RHCG: variants seen among roughly 807,000 people sequenced by gnomAD.
RHCG encodes Rh family C glycoprotein, also known as ammonium transporter Rh type C.
RHCG carries 39 observed loss-of-function variants against 55.3 expected under a neutral mutation model. The observed-to-expected ratio is 0.70, with a 90% confidence interval of 0.55 to 0.92. The LOEUF is 0.92. Ranked by LOEUF, RHCG falls within the 40% of genes least tolerant of loss-of-function variation. RHCG has a pLI of 0.00. For synonymous variants in RHCG, 250 were observed against 246.8 expected (o/e 1.01, Z -0.12); for missense variants, 635 against 627.9 (o/e 1.01, Z -0.12).
At position 89,477,129 on chromosome 15, in the gene RHCG, C is replaced by A. The variant is rs1420223933; in HGVS notation, c.1190G>T (p.Gly397Val). Reference protein sequence around the residue: ...ARTQGKFQIYGLLVTLAMALM... With the variant: ...ARTQGKFQIYVLLVTLAMALM... Reference sequence around the variant, plus strand: ...GGCCATGGCCAGGGTCACCAAGAGACCATAAATCTGGAACTTTCCCTGTGT... The same window carrying A: ...GGCCATGGCCAGGGTCACCAAGAGAACATAAATCTGGAACTTTCCCTGTGT... Residue 397 changes from glycine (G) to valine (V), a missense_variant, in exon 8 of 11, where the codon GGT becomes GTT. By Grantham distance (109) the Gly-to-Val change is moderately radical. Coordinates refer to ENST00000268122, the MANE Select transcript of RHCG (RefSeq NM_016321.3). This position sits in a 1 kb window ranked among gnomAD's most constrained non-coding sequence, Gnocchi z 4.5. 6.2e-7 allele frequency: 1 copy of A among 1,613,970 alleles called. No homozygotes were observed. Among genetic ancestry groups the A allele is most frequent in the African/African-American group, 1.3e-5 (1 of 74,884 alleles).
Position 89,477,378 on chromosome 15 carries a change from G to A in RHCG, c.1112+139C>T. On this transcript the variant is annotated intron_variant, in intron 7 of 10. Transcript: ENST00000268122. This position sits in a 1 kb window ranked among gnomAD's most constrained non-coding sequence, Gnocchi z 4.5. ...AACTCTAAGGGACAGAGTTTGGGGA[G>A]AGAGACCCATGAAACAATTGGTCCA... The A allele has an allele frequency of 7.1e-7, 1 of 1,401,866 alleles. No individual in the cohort carries two copies. The highest frequency in any genetic ancestry group is 1.3e-5 in the South Asian group (1 of 74,996). The allele number at this position is 1,401,866 out of a possible 1,614,324, so 86.8% of individuals were successfully genotyped here.
intron 5 of RHCG, among the ~76,000 whole-genome samples, chr15:89,478,377 C>T (rs190533755): frequency 2.5e-4 from 38 of 152,204 alleles, no homozygotes; most frequent in African/African-American, 9.2e-4. Flanking sequence ...TAGGCACGCA[C>T]CAGCTGCTGC....
chr15:89,476,730 A>C (rs1285052167), intron 9 of RHCG, 25 bp downstream of exon 9: 1 of 1,604,884 alleles, frequency 6.2e-7, no homozygotes, highest in Non-Finnish European at 8.5e-7. Flanking sequence ...GCCCTCCTTC[A>C]GGGGGCCAAG....
In RHCG at chr15:89,479,446, G is replaced by T. The variant is rs1036969416; in HGVS notation, c.713C>A (p.Ala238Asp). 1.2e-6 allele frequency: 2 copies of T among 1,613,878 alleles called. No individual in the cohort carries two copies. Among genetic ancestry groups the T allele is most frequent in the Non-Finnish European group, 1.7e-6 (2 of 1,179,970 alleles). ...CTGGCTGTCCCCATGGTAGGATATG[G>T]CTGAGTTGAAGCTGGGCCAGTACAT... ...LWMYWPSFNS[A>D]ISYHGDSQHR... The change falls in exon 5 of 11, where the codon GCC becomes GAC. Residue 238 changes from alanine (A) to aspartate (D), a missense_variant. By Grantham distance (126) the Ala-to-Asp change is moderately radical. Coordinates refer to ENST00000268122, the MANE Select transcript of RHCG (RefSeq NM_016321.3).
At position 89,486,995 on chromosome 15, in the gene RHCG, C is replaced by T; in HGVS notation, c.185-10G>A. 6.4e-7 allele frequency: 1 copy of T among 1,556,696 alleles called. No homozygotes were observed. The highest frequency in any genetic ancestry group is 8.7e-7 in the Non-Finnish European group (1 of 1,145,720). ...TGCACGTCCTGGAAGCCTGCGGGGA[C>T]AGTGCAGCCCGGGACTCGGTGGTCT... On this transcript the variant is annotated splice_polypyrimidine_tract_variant and intron_variant, in intron 1 of 10. Transcript: ENST00000268122.
Position 89,472,832 on chromosome 15 carries a change from G to A in RHCG, c.1343C>T (p.Pro448Leu). ...MPEGNSTVYI[P>L]EDPTFKPSGP... ...TGAGGGCTTGAAGGTGGGGTCCTCA[G>A]GGATGTAGACAGTGCTGTTCCCTTC... Residue 448 changes from proline to leucine, a missense_variant, in exon 10 of 11, where the codon CCT becomes CTT. Pro to Leu is a moderately conservative substitution (Grantham distance 98, BLOSUM62 -3). Transcript: ENST00000268122. The A allele has an allele frequency of 6.5e-7, 1 of 1,544,494 alleles. No homozygotes were observed. The highest frequency in any genetic ancestry group is 8.7e-7 in the Non-Finnish European group (1 of 1,142,922).
At chr15:89,480,176 G>A in intron 4 of RHCG, 85 bp downstream of exon 4, 3 of 1,555,956 alleles carry the variant, frequency 1.9e-6, no homozygotes, top group Non-Finnish European at 1.8e-6. Context: ...CCATCATGGT[G>A]GCCTTCACCC....
chr15:89,474,587 C>T (rs921633299), intron 9 of RHCG, among the ~76,000 whole-genome samples: 32 of 152,314 alleles, frequency 2.1e-4, no homozygotes, highest in African/African-American at 7.7e-4. Flanking sequence ...TCACAGAAAG[C>T]CCAGATTGTG....
intron 1 of RHCG, among the ~76,000 whole-genome samples, chr15:89,488,434 T>C (rs1961413130): frequency 6.6e-6 from 1 of 152,224 alleles, no homozygotes; most frequent in Non-Finnish European, 1.5e-5. Context: ...GACTGCTTAT[T>C]AGTTGCAGGG....
intron 1 of RHCG, among the ~76,000 whole-genome samples, chr15:89,490,396 C>G (rs1961452278): frequency 2.0e-5 from 3 of 152,230 alleles, no homozygotes; most frequent in South Asian, 4.1e-4. Context: ...TCTGAACTTC[C>G]CTCTGAATTT....
intron 2 of RHCG, among the ~76,000 whole-genome samples, chr15:89,486,098 T>C (rs112919290): frequency 0.01 from 1,571 of 151,980 alleles, 37 homozygotes; most frequent in African/African-American, 0.036. Context: ...CATAGAGAAG[T>C]CATGAGAAGG....
chr15:89,479,235 C>T, intron 5 of RHCG, 87 bp downstream of exon 5: 1 of 1,371,310 alleles, frequency 7.3e-7, no homozygotes. Context: ...GTGTGATGAT[C>T]CCCTCAGAGG....
chr15:89,475,540 C>A (rs1038456059), intron 9 of RHCG, among the ~76,000 whole-genome samples: 16 of 152,190 alleles, frequency 1.1e-4, no homozygotes, highest in Non-Finnish European at 2.2e-4. Context: ...GCCACTGCGC[C>A]CAGTCCAGAA....
Position 89,479,703 on chromosome 15 carries a change from A to C in RHCG, c.671-215T>G, listed in dbSNP as rs998160717. ...CCTTCCACACCACTCCAGGAAGTCT[A>C]CCCTGACCCCCATTTCTGGGCTAAA... On this transcript the variant is annotated intron_variant, in intron 4 of 10. Transcript: ENST00000268122. 5.3e-6 allele frequency: 3 copies of C among 563,562 alleles called. No individual in the cohort carries two copies. In the African/African-American group the frequency reaches 5.6e-5, roughly 11 times the overall value. 34.9% of individuals were successfully genotyped at this position (563,562 alleles called of 1,614,324 possible).
At chr15:89,492,827 C>T (rs1369140851) in intron 1 of RHCG, among the ~76,000 whole-genome samples, 2 of 152,246 alleles carry the variant, frequency 1.3e-5, no homozygotes, top group Non-Finnish European at 2.9e-5. Flanking sequence ...GATACTTACA[C>T]ACCTTCATGG....
At chr15:89,495,066 T>C (rs1394152713) in intron 1 of RHCG, among the ~76,000 whole-genome samples, 4 of 152,244 alleles carry the variant, frequency 2.6e-5, no homozygotes, top group South Asian at 2.1e-4. Flanking sequence ...GTCTAAGATA[T>C]CTTTTAAAAA....
intron 1 of RHCG, among the ~76,000 whole-genome samples, chr15:89,489,593 C>A (rs557738359): frequency 6.6e-6 from 1 of 152,314 alleles, no homozygotes; most frequent in African/African-American, 2.4e-5. Context: ...CACCTGCCTC[C>A]CAGGGGATCT....
rs745622047 is a variant in RHCG, at chr15:89,476,739, A to G, written c.1311+16T>C. ...GCAGCTGCCCTCCTTCAGGGGGCCAAGTCCCTGGAACTCACCTCCCAGTAG... is the reference window on the plus strand; with the variant it reads ...GCAGCTGCCCTCCTTCAGGGGGCCAGGTCCCTGGAACTCACCTCCCAGTAG... On this transcript the variant is annotated intron_variant, in intron 9 of 10. Coordinates refer to ENST00000268122, the MANE Select transcript of RHCG (RefSeq NM_016321.3). The G allele has an allele frequency of 6.2e-7, 1 of 1,612,240 alleles. No individual in the cohort carries two copies. The highest frequency in any genetic ancestry group is 1.1e-5 in the South Asian group (1 of 91,044).
chr15:89,487,755 T>C (rs1256106730), intron 1 of RHCG, among the ~76,000 whole-genome samples: 2 of 152,222 alleles, frequency 1.3e-5, no homozygotes, highest in Non-Finnish European at 2.9e-5. Flanking sequence ...TAAACACACA[T>C]GTGTATGTAA....
Sources: allele counts gnomAD v4.1 joint callset (sites outside exome capture counted in the v4.1 genomes callset), GRCh38; gene constraint gnomAD v4.1.1; non-coding constraint Gnocchi (gnomAD v3.1); transcripts MANE v1.5; gene names NCBI Gene and HGNC (gene_info 2026-07-23, HGNC 2026-07-21).